The following FSTL5 variants were observed in gnomAD, a reference collection of about 807,000 sequenced individuals.
FSTL5 encodes follistatin like 5, also known as follistatin-related protein 5.
FSTL5 carries 62 observed loss-of-function variants against 89.1 expected under a neutral mutation model. The observed-to-expected ratio is 0.70, with a 90% CI of 0.57 to 0.86. FSTL5 has a LOEUF of 0.86. FSTL5 is among the 40% of genes least tolerant of loss of function. The probability of loss-of-function intolerance (pLI) is 0.00; values close to 1 mark genes in which losing one functional copy is unlikely to be tolerated. For missense variants in FSTL5, 1,057 were observed against 1,001.6 expected (o/e 1.06, Z -0.75); for synonymous variants, 383 against 346.2 (o/e 1.11, Z -1.18).
At chr4:161,909,900 T>C (rs759265891) in intron 4 of FSTL5, among the ~76,000 whole-genome samples, 1 of 152,278 alleles carries the variant, frequency 6.6e-6, no homozygotes, top group South Asian at 2.1e-4. Context: ...TACACACATA[T>C]ATTGAATACT....
intron 2 of FSTL5, among the ~76,000 whole-genome samples, chr4:162,060,501 A>G (rs989697133): frequency 6.6e-6 from 1 of 152,050 alleles, no homozygotes; most frequent in Non-Finnish European, 1.5e-5. Context: ...ATTTTTAAAA[A>G]ACTATTATTT....
At chr4:162,091,585 G>T (rs1730551346) in intron 2 of FSTL5, among the ~76,000 whole-genome samples, 1 of 152,054 alleles carries the variant, frequency 6.6e-6, no homozygotes, top group Admixed American at 6.6e-5. Context: ...ATTCTCTTTA[G>T]AAGTTCTATT....
chr4:161,762,419 G>A (rs1212785168), intron 5 of FSTL5, among the ~76,000 whole-genome samples: 1 of 152,136 alleles, frequency 6.6e-6, no homozygotes, highest in Admixed American at 6.5e-5. Context: ...CTTTCATTTA[G>A]TGTTTGACAC....
rs1240276413 is a variant in FSTL5, at chr4:161,963,466, C to T, written c.161-42814G>A. 2.0e-5 allele frequency among the ~76,000 whole-genome samples: 3 copies of T among 151,892 alleles called. No individual in the cohort carries two copies. The East Asian group carries it at 5.8e-4, about 29-fold the overall frequency. On this transcript the variant is annotated intron_variant, in intron 3 of 15. Transcript: ENST00000306100. ...TGAAATACTACAGTAACCTTGGTTC[C>T]TGTATCACAGATAATGTGATTTTCC...
At chr4:162,027,944 T>C (rs747568197) in intron 3 of FSTL5, among the ~76,000 whole-genome samples, 30 of 152,172 alleles carry the variant, frequency 2.0e-4, no homozygotes, top group Non-Finnish European at 3.1e-4. Flanking sequence ...ATGCAATTGC[T>C]ATGACATAAA....
chr4:161,793,939 G>A (rs146478543), intron 4 of FSTL5, among the ~76,000 whole-genome samples: 175 of 152,100 alleles, frequency 1.2e-3, no homozygotes, highest in Middle Eastern at 3.4e-3. Context: ...GATATAATAC[G>A]GATATTACAT....
rs529604074 is a variant in FSTL5 at position 161,799,189 on chromosome 4, A to G, written c.410-23115T>C. Reference sequence around the variant, plus strand: ...TCAAAACCTGGTTCGTGCATTTTTGAAATGATTAAATTACATGTGAAGAGC... The same window carrying G: ...TCAAAACCTGGTTCGTGCATTTTTGGAATGATTAAATTACATGTGAAGAGC... On this transcript the variant is annotated intron_variant, in intron 4 of 15. Transcript: ENST00000306100. 2.0e-4 allele frequency among the ~76,000 whole-genome samples: 30 copies of G among 151,728 alleles called. 1 individual carries two copies. The South Asian group carries it at 5.8e-3, about 29-fold the overall frequency.
chr4:161,510,037 T>G (rs1730601406), intron 11 of FSTL5, among the ~76,000 whole-genome samples: 1 of 152,182 alleles, frequency 6.6e-6, no homozygotes, highest in Admixed American at 6.5e-5. Flanking sequence ...TATAATTTAT[T>G]ATATCCCCTT....
chr4:161,875,604 A>G (rs1276238665), intron 4 of FSTL5, among the ~76,000 whole-genome samples: 1 of 152,122 alleles, frequency 6.6e-6, no homozygotes, highest in Non-Finnish European at 1.5e-5. Context: ...CCGCTCGCAC[A>G]CTGTGGAGTG....
At chr4:161,908,016 G>A (rs1242913937) in intron 4 of FSTL5, among the ~76,000 whole-genome samples, 1 of 151,880 alleles carries the variant, frequency 6.6e-6, no homozygotes. Flanking sequence ...TATATACTGT[G>A]GGAAACATGT....
At chr4:161,662,567 T>A (rs1245320554) in intron 6 of FSTL5, among the ~76,000 whole-genome samples, 1 of 152,038 alleles carries the variant, frequency 6.6e-6, no homozygotes, top group African/African-American at 2.4e-5. Context: ...AATAGTAAGC[T>A]AGAAAAGAGA....
intron 4 of FSTL5, among the ~76,000 whole-genome samples, chr4:161,824,334 T>G (rs1472050165): frequency 6.6e-6 from 1 of 152,174 alleles, no homozygotes; most frequent in Non-Finnish European, 1.5e-5. Context: ...GTAGTTGGCT[T>G]TATTTCTGGG....
intron 3 of FSTL5, among the ~76,000 whole-genome samples, chr4:162,024,388 CT>C (rs1737203119): frequency 6.7e-6 from 1 of 148,458 alleles, no homozygotes; most frequent in East Asian, 2.0e-4. Flanking sequence ...TTTGTCTTTA[CT>C]TTTTATTTCC....
At chr4:161,612,253 T>A (rs6816684) in intron 7 of FSTL5, among the ~76,000 whole-genome samples, 1 of 152,192 alleles carries the variant, frequency 6.6e-6, no homozygotes, top group East Asian at 1.9e-4. Context: ...TTTGCATTAA[T>A]GAATGGAAGT....
chr4:161,555,984 C>G (rs1457428164), intron 8 of FSTL5, among the ~76,000 whole-genome samples: 1 of 151,520 alleles, frequency 6.6e-6, no homozygotes, highest in Admixed American at 6.6e-5. Context: ...TATAATTGAT[C>G]AACAATGTTT....
rs79167451 is a variant in FSTL5, at chr4:161,509,554, T to C, written c.1339+844A>G. On this transcript the variant is annotated intron_variant, in intron 11 of 15. Transcript: ENST00000306100. The stretch of plus-strand genomic sequence containing the variant: ...TCCTTGAGCACAGAATTGAGATGGC[T>C]AAATTCCAGAATTACTTGAGGCTTT... Among the ~76,000 whole-genome samples the C allele has an allele frequency of 7.7e-3, 1,166 of 152,202 alleles. 18 individuals carry two copies. The highest frequency in any genetic ancestry group is 0.041 in the East Asian group (211 of 5,152).
chr4:161,642,309 C>A (rs1203174319), intron 7 of FSTL5, among the ~76,000 whole-genome samples: 1 of 152,128 alleles, frequency 6.6e-6, no homozygotes, highest in Non-Finnish European at 1.5e-5. Flanking sequence ...ATTTCCAGAA[C>A]TTATCTTGCC....
At chr4:161,808,109 T>TA (rs1730023341) in intron 4 of FSTL5, among the ~76,000 whole-genome samples, 1 of 151,876 alleles carries the variant, frequency 6.6e-6, no homozygotes, top group Non-Finnish European at 1.5e-5. Context: ...TTGGGGGCAA[T>TA]GTAGAAAAAA....
intron 15 of FSTL5, among the ~76,000 whole-genome samples, chr4:161,419,928 T>G (rs921248562): frequency 1.3e-5 from 2 of 152,190 alleles, no homozygotes; most frequent in African/African-American, 4.8e-5. Flanking sequence ...AAGTTAAAAC[T>G]GTCACAAGGC....
Sources: allele counts gnomAD v4.1 joint callset (sites outside exome capture counted in the v4.1 genomes callset), GRCh38; gene constraint gnomAD v4.1.1; transcripts MANE v1.5; gene names NCBI Gene and HGNC (gene_info 2026-07-23, HGNC 2026-07-21).